Variants in RIMKLB observed in about 807,000 individuals in gnomAD.
RIMKLB encodes the protein beta-citrylglutamate synthase B.
Under a neutral mutation model 32.0 loss-of-function variants are expected in RIMKLB, and 7 were observed. The observed-to-expected ratio is 0.22, with a 90% CI of 0.12 to 0.41. The LOEUF is 0.41. Among genes scored for constraint, RIMKLB ranks in the 10% least tolerant of loss-of-function variants. The pLI is 1.00. For missense variants in RIMKLB, 289 were observed against 498.7 expected, an observed-to-expected ratio of 0.58 and a Z score of 4.00; for synonymous variants, 172 against 185.1, an observed-to-expected ratio of 0.93 and a Z score of 0.57.
Position 8,762,759 on chromosome 12 carries a change from T to TA in RIMKLB, c.697+8667dup, listed in dbSNP as rs1462343641. Among the ~76,000 whole-genome samples, 3 of 152,190 alleles carry TA rather than the reference T, an allele frequency of 2.0e-5. No individual in the cohort carries two copies. In the East Asian group the frequency reaches 5.8e-4, roughly 29 times the overall value. On this transcript the variant is annotated intron_variant, in intron 5 of 5. Coordinates refer to ENST00000535829, the MANE Select transcript of RIMKLB (RefSeq NM_001297776.2). ...GCGCTAGTTCCTGGAGTGAGGGGGT[T>TA]ACTTTGAAGTATTCCATTATCACTG...
At chr12:8,707,342 G>A (rs1943974550) in intron 1 of RIMKLB, among the ~76,000 whole-genome samples, 1 of 152,190 alleles carries the variant, frequency 6.6e-6, no homozygotes, top group African/African-American at 2.4e-5. Context: ...TGCTAGAGCA[G>A]TTTACATAAC....
intron 2 of RIMKLB, among the ~76,000 whole-genome samples, chr12:8,733,265 A>G (rs1427461646): frequency 6.6e-6 from 1 of 151,954 alleles, no homozygotes; most frequent in Non-Finnish European, 1.5e-5. Context: ...AATTTATATT[A>G]TACATATTTT....
chr12:8,720,329 T>A (rs1436547086), intron 2 of RIMKLB, among the ~76,000 whole-genome samples: 1 of 152,220 alleles, frequency 6.6e-6, no homozygotes, highest in Admixed American at 6.5e-5. Context: ...GGTACAAAGT[T>A]GGATTCATAC....
intron 1 of RIMKLB, among the ~76,000 whole-genome samples, chr12:8,686,728 C>T (rs551041289): frequency 9.9e-5 from 15 of 151,844 alleles, no homozygotes; most frequent in Non-Finnish European, 2.1e-4. Context: ...GTAATCCGCC[C>T]GCCTAGGCCT....
intron 1 of RIMKLB, among the ~76,000 whole-genome samples, chr12:8,686,811 A>G (rs1407297470): frequency 6.6e-6 from 1 of 152,190 alleles, no homozygotes; most frequent in Non-Finnish European, 1.5e-5. Flanking sequence ...TTAATGCTAT[A>G]TAGACAGCTG....
At chr12:8,701,476 G>A (rs1383101238) in intron 1 of RIMKLB, among the ~76,000 whole-genome samples, 5 of 151,666 alleles carry the variant, frequency 3.3e-5, no homozygotes, top group Non-Finnish European at 7.4e-5. Context: ...AAGCCACAGA[G>A]CTAGCCAGCT....
chr12:8,725,256 C>A (rs1945868313), intron 2 of RIMKLB, among the ~76,000 whole-genome samples: 1 of 152,098 alleles, frequency 6.6e-6, no homozygotes, highest in South Asian at 2.1e-4. Flanking sequence ...CCCAGGAAGG[C>A]AAAGGATGCT....
At chr12:8,715,587 G>A (rs12298316) in intron 2 of RIMKLB, among the ~76,000 whole-genome samples, 5,090 of 152,106 alleles carry the variant, frequency 0.033, 295 homozygotes, top group African/African-American at 0.12. Flanking sequence ...TTTATTTTCA[G>A]TGTAATTCTC....
At chr12:8,704,623 T>C (rs923600815) in intron 1 of RIMKLB, among the ~76,000 whole-genome samples, 7 of 152,210 alleles carry the variant, frequency 4.6e-5, no homozygotes, top group Non-Finnish European at 1.0e-4. Flanking sequence ...TGGGTGCAAA[T>C]GTTAGCACGT....
chr12:8,770,164 T>C (rs1193787477), intron 5 of RIMKLB, among the ~76,000 whole-genome samples: 2 of 152,192 alleles, frequency 1.3e-5, no homozygotes, highest in African/African-American at 4.8e-5. Flanking sequence ...GGTTTCACCA[T>C]GTTTGCCAGC....
At chr12:8,708,752 C>G (rs1205135543) in intron 1 of RIMKLB, among the ~76,000 whole-genome samples, 1 of 152,136 alleles carries the variant, frequency 6.6e-6, no homozygotes, top group Non-Finnish European at 1.5e-5. Flanking sequence ...TTTCCTATTT[C>G]AGAAGATGAA....
intron 2 of RIMKLB, among the ~76,000 whole-genome samples, chr12:8,747,859 G>A (rs1235540396): frequency 1.3e-5 from 2 of 151,752 alleles, no homozygotes; most frequent in Non-Finnish European, 2.9e-5. Context: ...GAGTTGAAGC[G>A]ATTCTCCAGC....
chr12:8,775,105 GT>G lies in RIMKLB; in HGVS notation c.*1328del. ...CTTTTTGTGTATATGTACGTTGTTT[GT>G]TTTTTTCCTTTTGTTTCTAGCCTGT... On this transcript the variant is annotated 3_prime_UTR_variant, in exon 6 of 6. Coordinates refer to ENST00000535829, the MANE Select transcript of RIMKLB (RefSeq NM_001297776.2). 1 of 985,524 alleles carries G rather than the reference GT, an allele frequency of 1.0e-6. No individual in the cohort carries two copies. 61.0% of individuals were successfully genotyped at this position (985,524 alleles called of 1,614,324 possible). A position where few individuals can be genotyped will look rare whatever the true frequency, so the allele number is the denominator to read the frequency against.
upstream of RIMKLB, among the ~76,000 whole-genome samples, chr12:8,692,362 A>T (rs1942757256): frequency 6.6e-6 from 1 of 152,226 alleles, no homozygotes; most frequent in Non-Finnish European, 1.5e-5. Flanking sequence ...GTGTCTAAAG[A>T]TCATTTAGTA....
upstream of RIMKLB, among the ~76,000 whole-genome samples, chr12:8,678,367 G>A (rs185716240): frequency 5.3e-5 from 8 of 150,460 alleles, no homozygotes; most frequent in East Asian, 7.8e-4. Flanking sequence ...TTTCGCTCTC[G>A]TTGCCCAGGC....
chr12:8,696,687 T>TA (rs142616907), upstream of RIMKLB, among the ~76,000 whole-genome samples: 2,208 of 152,310 alleles, frequency 0.014, 49 homozygotes, highest in African/African-American at 0.048. Flanking sequence ...ATCCAGAAGT[T>TA]ACCACCCTGG....
At chr12:8,745,441 C>G (rs1947990854) in intron 2 of RIMKLB, among the ~76,000 whole-genome samples, 1 of 151,684 alleles carries the variant, frequency 6.6e-6, no homozygotes, top group Admixed American at 6.6e-5. Flanking sequence ...GTTGCCCAGG[C>G]TGGAATGCAA....
At chr12:8,759,316 A>T (rs1297478041) in intron 5 of RIMKLB, among the ~76,000 whole-genome samples, 1 of 152,092 alleles carries the variant, frequency 6.6e-6, no homozygotes, top group East Asian at 1.9e-4. Flanking sequence ...AATCACTTGA[A>T]CCTGGGAGGT....
downstream of RIMKLB, chr12:8,777,856 A>T (rs924091510): frequency 1.4e-5 from 4 of 291,644 alleles, no homozygotes; most frequent in South Asian, 2.4e-4. Context: ...TTCTTTTTTT[A>T]AAACTTCCTT....
Sources: gnomAD v4.1 joint callset for allele counts (sites outside exome capture counted in the v4.1 genomes callset) on GRCh38, gnomAD v4.1.1 for gene constraint, MANE v1.5 for transcripts, NCBI Gene and HGNC (gene_info 2026-07-23, HGNC 2026-07-21) for gene names.